The following LRRC37B variants were observed in gnomAD, a reference collection of about 807,000 sequenced individuals.
The protein encoded by LRRC37B is leucine-rich repeat-containing protein 37B.
A neutral mutation model predicts 98.3 loss-of-function variants in LRRC37B; 28 were observed. The ratio of observed to expected loss-of-function variants is 0.28; its 90% CI spans 0.21 to 0.39. The LOEUF (loss-of-function observed/expected upper bound fraction) is 0.39, where lower values mean the gene tolerates loss of function less well. LRRC37B is among the 10% of genes least tolerant of loss of function. The pLI, the probability that LRRC37B is intolerant of heterozygous loss-of-function variation, is 1.00. For missense variants in LRRC37B, 938 were observed against 1,182.7 expected, an observed-to-expected ratio of 0.79 and a Z score of 3.03; for synonymous variants, 364 against 442.7, an observed-to-expected ratio of 0.82 and a Z score of 2.23.
chr17:32,019,501 A>T (rs1910717299), upstream of LRRC37B, among the ~76,000 whole-genome samples: 2 of 152,232 alleles, frequency 1.3e-5, no homozygotes, highest in Non-Finnish European at 2.9e-5. Context: ...TGCATATGAA[A>T]GCTCTTAAAT....
chr17:32,047,859 G>A lies in LRRC37B; in HGVS notation c.2422G>A (p.Ala808Thr). The A allele has an allele frequency of 6.2e-7, 1 of 1,614,174 alleles. No individual in the cohort carries two copies. ...CACTCAGCTGACTATTGAGTCGGAGGCGCCCTCAGACAGCAGTGGCATCAA... is the reference window on the plus strand; with the variant it reads ...CACTCAGCTGACTATTGAGTCGGAGACGCCCTCAGACAGCAGTGGCATCAA... The change falls in exon 9 of 12, where the codon GCG becomes ACG. Residue 808 changes from alanine to threonine, a missense_variant. Transcript: ENST00000327564.
chr17:32,034,097 C>T (rs1206946801), intron 5 of LRRC37B: 2 of 152,030 alleles, frequency 1.3e-5, no homozygotes, highest in East Asian at 3.8e-4. Flanking sequence ...TTGACCAGTT[C>T]CTCCTCTTAG....
At chr17:32,022,444 T>G in exon 1 of LRRC37B, 11 of 1,612,794 alleles carry the variant, frequency 6.8e-6, no homozygotes, top group Non-Finnish European at 9.3e-6. Context: ...ACTACAGAGG[T>G]TAAACCGTCT....
chr17:32,053,359 G>A, exon 12 of LRRC37B: 3 of 1,540,818 alleles, frequency 1.9e-6, no homozygotes, highest in Non-Finnish European at 2.6e-6. Context: ...ATGGCCTGGA[G>A]CTATGTTTTT....
At chr17:32,038,033 A>G (rs1334466850) in intron 7 of LRRC37B, among the ~76,000 whole-genome samples, 1 of 152,058 alleles carries the variant, frequency 6.6e-6, no homozygotes, top group Non-Finnish European at 1.5e-5. Flanking sequence ...AGGCTGAGGC[A>G]GGAGAATGGC....
chr17:32,037,464 T>C (rs1291644489), intron 7 of LRRC37B, among the ~76,000 whole-genome samples: 12 of 147,374 alleles, frequency 8.1e-5, no homozygotes, highest in Middle Eastern at 3.8e-3. Context: ...TGGGGTTTCA[T>C]CTTGTCGGCC....
upstream of LRRC37B, chr17:32,020,691 T>A (rs1221694094): frequency 2.7e-6 from 1 of 373,240 alleles, no homozygotes; most frequent in Non-Finnish European, 4.1e-6. Context: ...GGCGCCCATT[T>A]TGCAGGTCAG....
chr17:32,040,361 G>T, intron 7 of LRRC37B: 2 of 410,366 alleles, frequency 4.9e-6, no homozygotes, highest in South Asian at 2.1e-5. Flanking sequence ...GGCCCCTGAG[G>T]CGTGCAGAGG....
At chr17:32,040,379 ACCTGGGAG>A (rs1222569228) in intron 7 of LRRC37B, 1 of 456,136 alleles carries the variant, frequency 2.2e-6, no homozygotes, top group Non-Finnish European at 4.2e-6. Context: ...AGGGTCACGC[ACCTGGGAG>A]CCTGTTGCTG....
At chr17:32,021,069 G>A in exon 1 of LRRC37B, 1 of 1,612,022 alleles carries the variant, frequency 6.2e-7, no homozygotes, top group Non-Finnish European at 8.5e-7. Flanking sequence ...ACAGGGCATG[G>A]CACACGCTTA....
chr17:32,019,285 A>G (rs1382463196), upstream of LRRC37B, among the ~76,000 whole-genome samples: 1 of 152,186 alleles, frequency 6.6e-6, no homozygotes, highest in African/African-American at 2.4e-5. Context: ...TATATACACA[A>G]ATACCTGCCA....
chr17:32,010,481 G>A (rs751582709), intron 1 of LRRC37B, among the ~76,000 whole-genome samples: 9 of 152,266 alleles, frequency 5.9e-5, no homozygotes, highest in African/African-American at 1.7e-4. Context: ...TGTTGTGGTC[G>A]TTGTTGTTCC....
rs144851744 is a variant in LRRC37B at position 32,021,536 on chromosome 17, G to T, written c.471G>T (p.Arg157Ser). 1.2e-4 allele frequency: 190 copies of T among 1,613,898 alleles called. No homozygotes were observed. The highest frequency in any genetic ancestry group is 1.5e-4 in the Non-Finnish European group (172 of 1,180,066). The change falls in exon 1 of 12, where the codon AGG becomes AGT. Residue 157 changes from arginine to serine, a missense_variant. Coordinates refer to ENST00000327564, the Ensembl canonical transcript of LRRC37B. Reference sequence around the variant, plus strand: ...ATGACAAGCGGACTCCAGAAGAAAGGCTCCCAGAGGTGGTTCCGCTTCTCA... The same window carrying T: ...ATGACAAGCGGACTCCAGAAGAAAGTCTCCCAGAGGTGGTTCCGCTTCTCA...
chr17:32,047,560 C>T (rs1396519660), intron 8 of LRRC37B: 2 of 679,872 alleles, frequency 2.9e-6, no homozygotes, highest in Non-Finnish European at 2.5e-6. Context: ...TGGAATGTTC[C>T]AAGTAGGTGG....
chr17:32,023,856 A>T (rs1162374080), intron 1 of LRRC37B, among the ~76,000 whole-genome samples: 1 of 152,210 alleles, frequency 6.6e-6, no homozygotes, highest in East Asian at 1.9e-4. Flanking sequence ...GAATACGCAT[A>T]AAAAGGGCGG....
At chr17:32,007,432 T>C (rs962465478), upstream of LRRC37B, among the ~76,000 whole-genome samples, 9 of 152,242 alleles carry the variant, frequency 5.9e-5, no homozygotes, top group South Asian at 4.1e-4. The surrounding 1 kb of genome is among the most constrained non-coding windows in gnomAD (Gnocchi z 4.1). Context: ...GAAGGCGATC[T>C]TGAGTGGGGC....
At chr17:32,041,342 C>T (rs763076365) in intron 7 of LRRC37B, 12 of 755,482 alleles carry the variant, frequency 1.6e-5, no homozygotes, top group Non-Finnish European at 2.0e-5. Context: ...CGCCCCTAGA[C>T]CAGCCAAGCT....
At chr17:32,040,086 T>C (rs1911381280) in intron 7 of LRRC37B, 2 of 152,806 alleles carry the variant, frequency 1.3e-5, no homozygotes, top group African/African-American at 2.4e-5. Flanking sequence ...GAGTTCATTA[T>C]TGGAAGTCTT....
intron 3 of LRRC37B, among the ~76,000 whole-genome samples, chr17:32,029,481 A>C (rs567585624): frequency 6.6e-6 from 1 of 152,106 alleles, no homozygotes; most frequent in Non-Finnish European, 1.5e-5. Context: ...TAGGAGGGAT[A>C]AATTGTTTCT....
Sources: gnomAD v4.1 joint callset for allele counts (sites outside exome capture counted in the v4.1 genomes callset) on GRCh38, gnomAD v4.1.1 for gene constraint, Gnocchi (gnomAD v3.1) non-coding constraint, MANE v1.5 for transcripts, NCBI Gene and HGNC (gene_info 2026-07-23, HGNC 2026-07-21) for gene names.